ANKRD23: variants seen among roughly 807,000 people sequenced by gnomAD.
ANKRD23 encodes the protein ankyrin repeat domain 23.
ANKRD23 carries 52 observed loss-of-function variants against 38.1 expected under a neutral mutation model. The ratio of observed to expected loss-of-function variants is 1.36; its 90% CI spans 1.09 to 1.72. The LOEUF is 1.72. ANKRD23 is among the 40% of genes most tolerant of loss of function. The probability of loss-of-function intolerance (pLI) is 0.00; values close to 1 mark genes in which losing one functional copy is unlikely to be tolerated. For synonymous variants in ANKRD23, 167 were observed against 162.9 expected (o/e 1.03, Z -0.19); for missense variants, 416 against 400.2 (o/e 1.04, Z -0.34).
In ANKRD23 at chr2:96,840,837, G is replaced by T; in HGVS notation, c.376C>A (p.Leu126Met). The part of the protein sequence containing the change: ...LKAAAENQEY[L>M]IDKYLTDGGD... ...CCGTCTGTCAAGTACTTGTCAATCAGGTACTCCTGGTTCTCAGCAGCTGCC... is the reference window on the plus strand; with the variant it reads ...CCGTCTGTCAAGTACTTGTCAATCATGTACTCCTGGTTCTCAGCAGCTGCC... Residue 126 changes from leucine (L) to methionine (M), a missense_variant, in exon 4 of 9, where the codon CTG becomes ATG. Leu to Met is a conservative substitution (Grantham distance 15). Coordinates refer to ENST00000318357, the MANE Select transcript of ANKRD23 (RefSeq NM_144994.8). The T allele has an allele frequency of 6.2e-7, 1 of 1,614,190 alleles. No homozygotes were observed. Among genetic ancestry groups the T allele is most frequent in the Non-Finnish European group, 8.5e-7 (1 of 1,180,028 alleles).
At chr2:96,842,615 A>G in intron 1 of ANKRD23, 104 bp from the exon 2 acceptor site, 2 of 1,382,286 alleles carry the variant, frequency 1.4e-6, no homozygotes, top group Non-Finnish European at 1.9e-6. Flanking sequence ...CAGATGTCAC[A>G]AGGCTGGTGC....
In ANKRD23 at chr2:96,838,966, T is replaced by C. The variant is rs2079724906; in HGVS notation, c.*583A>G. ...AGTTGTCTAGAGCCGCTCCGGACAC[T>C]GCCAGGGTTGCTACTGACAGGAATG... On this transcript the variant is annotated 3_prime_UTR_variant, in exon 9 of 9. Transcript: ENST00000318357. 2 of 985,590 alleles carry C rather than the reference T, an allele frequency of 2.0e-6. No individual in the cohort carries two copies. The highest frequency in any genetic ancestry group is 6.1e-5 in the Admixed American group (1 of 16,270). The allele number at this position is 985,590 out of a possible 1,614,324, so 61.1% of individuals were successfully genotyped here.
At chr2:96,841,010 C>T (rs923890735) in intron 3 of ANKRD23, 98 bp from the exon 4 acceptor site, 2 of 1,435,810 alleles carry the variant, frequency 1.4e-6, no homozygotes, top group African/African-American at 1.4e-5. Flanking sequence ...CCATGCAGCC[C>T]ACCAAGGAAC....
Position 96,842,509 on chromosome 2 carries a change from T to TA in ANKRD23, c.29dup (p.Ser11LysfsTer6). ...CTTTCCCTTCAACTCTTTCTCCACT[T>TA]ACCTGTAGGAACAGGATATGAGTAC... On this transcript the variant is annotated frameshift_variant and splice_region_variant, in exon 2 of 9. Transcript: ENST00000318357. LOFTEE classifies it high-confidence loss of function. The TA allele has an allele frequency of 6.2e-7, 1 of 1,613,136 alleles. No homozygotes were observed. The highest frequency in any genetic ancestry group is 8.5e-7 in the Non-Finnish European group (1 of 1,179,622).
Position 96,839,197 on chromosome 2 carries a change from C to T in ANKRD23, c.*352G>A. 1 of 1,053,826 alleles carries T rather than the reference C, an allele frequency of 9.5e-7. No individual in the cohort carries two copies. Among genetic ancestry groups the T allele is most frequent in the Middle Eastern group, 4.3e-4 (1 of 2,326 alleles). The allele number at this position is 1,053,826 out of a possible 1,614,324, so 65.3% of individuals were successfully genotyped here. Reference sequence around the variant, plus strand: ...AGTGGACACTGAGGACTCCCAGACCCAGCCCTGGGTGGCTCCAGCTTGGGA... The same window carrying T: ...AGTGGACACTGAGGACTCCCAGACCTAGCCCTGGGTGGCTCCAGCTTGGGA... On this transcript the variant is annotated 3_prime_UTR_variant, in exon 9 of 9. Coordinates refer to ENST00000318357, the MANE Select transcript of ANKRD23 (RefSeq NM_144994.8).
Position 96,838,074 on chromosome 2 carries a change from G to A in ANKRD23, c.*1475C>T. On this transcript the variant is annotated 3_prime_UTR_variant, in exon 9 of 9. Transcript: ENST00000318357. ...AGCGTCTGGGTGCACGCTGGCTGTC[G>A]CCACAGGGCAGGAGCTGCTCATGGA... The A allele has an allele frequency of 6.5e-6, 1 of 153,340 alleles. No individual in the cohort carries two copies. The highest frequency in any genetic ancestry group is 1.5e-5 in the Non-Finnish European group (1 of 68,912). 9.5% of individuals were successfully genotyped at this position (153,340 alleles called of 1,614,324 possible).
In ANKRD23 at chr2:96,838,048, C is replaced by G. The variant is rs2079711044; in HGVS notation, c.*1501G>C. The G allele has an allele frequency of 6.6e-6, 1 of 152,514 alleles. No homozygotes were observed. The highest frequency in any genetic ancestry group is 1.5e-5 in the Non-Finnish European group (1 of 68,256). The allele number at this position is 152,514 out of a possible 1,614,324, so 9.4% of individuals were successfully genotyped here. On this transcript the variant is annotated 3_prime_UTR_variant, in exon 9 of 9. Coordinates refer to ENST00000318357, the MANE Select transcript of ANKRD23 (RefSeq NM_144994.8). ...TTGAACGCCTGCTTCGCCATGGCAC[C>G]AGCGTCTGGGTGCACGCTGGCTGTC...
Position 96,843,960 on chromosome 2 carries a change from C to G in ANKRD23, c.27+6G>C. 1 of 1,608,310 alleles carries G rather than the reference C, an allele frequency of 6.2e-7. No individual in the cohort carries two copies. Among genetic ancestry groups the G allele is most frequent in the South Asian group, 1.1e-5 (1 of 89,830 alleles). The stretch of plus-strand genomic sequence containing the variant: ...GGTGCCTCCCACCTCCGTCCCACAT[C>G]CTTACCAACTGCTGAATGCTGATGA... On this transcript the variant is annotated splice_donor_region_variant and intron_variant, in intron 1 of 8. Coordinates refer to ENST00000318357, the MANE Select transcript of ANKRD23 (RefSeq NM_144994.8).
intron 1 of ANKRD23, 139 bp from the exon 2 acceptor site, chr2:96,842,650 C>G (rs1032556193): frequency 9.3e-7 from 1 of 1,071,180 alleles, no homozygotes; most frequent in Non-Finnish European, 1.3e-6. Flanking sequence ...GGCCTCAAAG[C>G]TCCTGCAGTC....
chr2:96,840,996 G>A (rs2079754218), intron 3 of ANKRD23, 84 bp from the exon 4 acceptor site: 2 of 1,543,030 alleles, frequency 1.3e-6, no homozygotes, highest in Non-Finnish European at 8.8e-7. Context: ...CTGGCCCACG[G>A]GTCCCATGCA....
At position 96,838,322 on chromosome 2, in the gene ANKRD23, G is replaced by A. The variant is rs950839821; in HGVS notation, c.*1227C>T. On this transcript the variant is annotated 3_prime_UTR_variant, in exon 9 of 9. Transcript: ENST00000318357. Reference sequence around the variant, plus strand: ...CATGTGGTTCTCAGTTTAGGGCAGAGCTTCTTAAGATTCACTTTCTGGCGT... The same window carrying A: ...CATGTGGTTCTCAGTTTAGGGCAGAACTTCTTAAGATTCACTTTCTGGCGT... 3.1e-6 allele frequency: 3 copies of A among 979,466 alleles called. No individual in the cohort carries two copies. Among genetic ancestry groups the A allele is most frequent in the African/African-American group, 1.7e-5 (1 of 57,178 alleles). 60.7% of individuals were successfully genotyped at this position (979,466 alleles called of 1,614,324 possible).
intron 6 of ANKRD23, 30 bp downstream of exon 6, chr2:96,840,202 G>T: frequency 6.3e-7 from 1 of 1,596,944 alleles, no homozygotes. Flanking sequence ...CCGTGTTCCC[G>T]ACAGGCCCCC....
chr2:96,839,744 G>T lies in ANKRD23; in HGVS notation c.805C>A (p.Leu269Met), dbSNP rs1389282583. 4 of 1,613,118 alleles carry T rather than the reference G, an allele frequency of 2.5e-6. No homozygotes were observed. In the African/African-American group the frequency reaches 4.0e-5, roughly 16 times the overall value. ...ACACTCACCGCGTTCCGCACCCCCA[G>T]CTCGGCCCCATAGAGCAGCAGTAGC... ...MKLLLLYGAELGVRNAASVTP... is the reference protein window; with the variant it reads ...MKLLLLYGAEMGVRNAASVTP... Residue 269 changes from leucine (L) to methionine (M), a missense_variant, in exon 8 of 9, where the codon CTG (leucine) becomes ATG (methionine). By Grantham distance (15) the Leu-to-Met change is conservative. Coordinates refer to ENST00000318357, the MANE Select transcript of ANKRD23 (RefSeq NM_144994.8).
chr2:96,841,925 T>G, intron 3 of ANKRD23, 135 bp downstream of exon 3: 2 of 1,301,888 alleles, frequency 1.5e-6, no homozygotes, highest in Admixed American at 4.3e-5. Context: ...CCGCGGGGGC[T>G]CTGGAGTGGA....
At position 96,839,595 on chromosome 2, in the gene ANKRD23, C is replaced by G. The variant is rs762392951; in HGVS notation, c.872G>C (p.Arg291Pro). Residue 291 changes from arginine (R) to proline (P), a missense_variant, in exon 9 of 9, where the codon CGG becomes CCG. Transcript: ENST00000318357. ...CGCCACGTGGGCCTGCAGGGCCTCC[C>G]GGATGCCGCGCTGCCAGTCTCGAGC... is the stretch of plus-strand genomic sequence containing the variant. ...QLARDWQRGI[R>P]EALQAHVAHP... 2.0e-6 allele frequency: 3 copies of G among 1,485,396 alleles called. No homozygotes were observed. The highest frequency in any genetic ancestry group is 1.8e-6 in the Non-Finnish European group (2 of 1,119,180). The allele number at this position is 1,485,396 out of a possible 1,614,324, so 92.0% of individuals were successfully genotyped here. A position where few individuals can be genotyped will look rare whatever the true frequency, so the allele number is the denominator to read the frequency against.
At chr2:96,840,162 T>G in intron 6 of ANKRD23, 67 bp from the exon 7 acceptor site, 2 of 1,561,428 alleles carry the variant, frequency 1.3e-6, no homozygotes, top group Non-Finnish European at 1.7e-6. Flanking sequence ...TGGGACTACG[T>G]GCTCTCTTCT....
Position 96,839,261 on chromosome 2 carries a change from C to G in ANKRD23, c.*288G>C, listed in dbSNP as rs952107204. Reference sequence around the variant, plus strand: ...GCTCGTTCTTGGCCCTCACTCTCCTCCCCTTCCTGGCCCTCATCTGGACCC... The same window carrying G: ...GCTCGTTCTTGGCCCTCACTCTCCTGCCCTTCCTGGCCCTCATCTGGACCC... On this transcript the variant is annotated 3_prime_UTR_variant, in exon 9 of 9. Transcript: ENST00000318357. 1 of 1,179,276 alleles carries G rather than the reference C, an allele frequency of 8.5e-7. No individual in the cohort carries two copies. Among genetic ancestry groups the G allele is most frequent in the Non-Finnish European group, 1.0e-6 (1 of 954,670 alleles). The allele number at this position is 1,179,276 out of a possible 1,614,324, so 73.1% of individuals were successfully genotyped here.
Position 96,838,991 on chromosome 2 carries a change from G to A in ANKRD23, c.*558C>T. 3.0e-6 allele frequency: 3 copies of A among 985,880 alleles called. No homozygotes were observed. Among genetic ancestry groups the A allele is most frequent in the Non-Finnish European group, 3.6e-6 (3 of 830,268 alleles). 61.1% of individuals were successfully genotyped at this position (985,880 alleles called of 1,614,324 possible). A position where few individuals can be genotyped will look rare whatever the true frequency, so the allele number is the denominator to read the frequency against. On this transcript the variant is annotated 3_prime_UTR_variant, in exon 9 of 9. Transcript: ENST00000318357. ...TGCCAGGGTTGCTACTGACAGGAAT[G>A]GGGTCCCCAGAGAAAGCCATGCCCA...
In ANKRD23 at chr2:96,840,946, C is replaced by T. The variant is rs777262447; in HGVS notation, c.301-34G>A. 1.5e-5 allele frequency: 24 copies of T among 1,607,542 alleles called. No individual in the cohort carries two copies. The East Asian group carries it at 1.8e-4, about 12-fold the overall frequency. On this transcript the variant is annotated intron_variant, in intron 3 of 8. Transcript: ENST00000318357. ...GTTGAAGACAAGACCAAATCACTCC[C>T]GAAGGCCGCAGGTGCCCAAGATGTC...
Sources: allele counts gnomAD v4.1 joint callset, GRCh38; gene constraint gnomAD v4.1.1; transcripts MANE v1.5; gene names NCBI Gene and HGNC (gene_info 2026-07-23, HGNC 2026-07-21).